The following SRPK1 variants were observed in gnomAD, a reference collection of about 807,000 sequenced individuals.
SRPK1 encodes SRSF protein kinase 1, also known as SFRS protein kinase 1.
A neutral mutation model predicts 89.5 loss-of-function variants in SRPK1; 52 were observed. The observed-to-expected ratio is 0.58, with a 90% CI of 0.46 to 0.73. SRPK1 has a LOEUF of 0.73. Ranked by LOEUF, SRPK1 falls within the 30% of genes least tolerant of loss-of-function variation. SRPK1 has a pLI of 0.00. For synonymous variants in SRPK1, 255 were observed against 270.2 expected (o/e 0.94, Z 0.55); for missense variants, 603 against 780.6 (o/e 0.77, Z 2.71).
chr6:35,841,072 C>T (rs370425344), intron 14 of SRPK1, among the ~76,000 whole-genome samples: 3 of 152,044 alleles, frequency 2.0e-5, no homozygotes, highest in Admixed American at 6.6e-5. Flanking sequence ...ATTAATTACC[C>T]TCCCAAACAA....
intron 2 of SRPK1, among the ~76,000 whole-genome samples, chr6:35,902,349 G>A (rs1048589895): frequency 3.3e-5 from 5 of 151,958 alleles, no homozygotes; most frequent in African/African-American, 1.2e-4. Context: ...GCAGTGTGAT[G>A]CAGCTGTAAG....
chr6:35,920,894 G>A (rs1771222930), intron 1 of SRPK1, 150 bp downstream of exon 1: 1 of 803,224 alleles, frequency 1.2e-6, no homozygotes, highest in Non-Finnish European at 1.8e-6. Context: ...GCAGCCCAGA[G>A]GCAGGGGGTG....
chr6:35,869,904 A>G lies in SRPK1; in HGVS notation c.992-3T>C. 6.5e-7 allele frequency: 1 copy of G among 1,544,142 alleles called. No individual in the cohort carries two copies. The highest frequency in any genetic ancestry group is 8.7e-7 in the Non-Finnish European group (1 of 1,149,486). ...CTGGCCAATGGTACTTGACTCTTCTAAGGAACAAACGAACAAAAAAAGATA... is the reference window on the plus strand; with the variant it reads ...CTGGCCAATGGTACTTGACTCTTCTGAGGAACAAACGAACAAAAAAAGATA... On this transcript the variant is annotated splice_region_variant and splice_polypyrimidine_tract_variant and intron_variant, in intron 10 of 15. Coordinates refer to ENST00000373825, the MANE Select transcript of SRPK1 (RefSeq NM_003137.5).
At chr6:35,881,923 A>G (rs1414397854) in intron 6 of SRPK1, among the ~76,000 whole-genome samples, 1 of 152,124 alleles carries the variant, frequency 6.6e-6, no homozygotes, top group Non-Finnish European at 1.5e-5. Context: ...TAACAGGTAT[A>G]GAGCTTCAGT....
At position 35,874,176 on chromosome 6, in the gene SRPK1, T is replaced by C. The variant is rs1334758712; in HGVS notation, c.585+57A>G. On this transcript the variant is annotated intron_variant, in intron 7 of 15. Transcript: ENST00000373825. ...AAATAAAGTCCTGACACTTCAAGAA[T>C]ATTAAAAAATCACTACATAGTCAAG... 8.0e-6 allele frequency: 11 copies of C among 1,379,798 alleles called. No individual in the cohort carries two copies. The East Asian group carries it at 2.4e-4, about 30-fold the overall frequency. The allele number at this position is 1,379,798 out of a possible 1,614,324, so 85.5% of individuals were successfully genotyped here. A position where few individuals can be genotyped will look rare whatever the true frequency, so the allele number is the denominator to read the frequency against.
intron 2 of SRPK1, among the ~76,000 whole-genome samples, chr6:35,893,545 C>T (rs1770565433): frequency 6.6e-6 from 1 of 151,916 alleles, no homozygotes; most frequent in Non-Finnish European, 1.5e-5. Flanking sequence ...TGACACCATA[C>T]ACTGCACAGC....
At chr6:35,877,867 T>C (rs1027779940) in intron 6 of SRPK1, among the ~76,000 whole-genome samples, 1 of 147,960 alleles carries the variant, frequency 6.8e-6, no homozygotes, top group African/African-American at 2.5e-5. Context: ...GACTTGAAAA[T>C]GAACTTCCAG....
intron 2 of SRPK1, 72 bp from the exon 3 acceptor site, chr6:35,891,085 C>T: frequency 6.8e-7 from 1 of 1,471,780 alleles, no homozygotes. Context: ...TGCTGCCCTC[C>T]CCACAAAAAA....
intron 2 of SRPK1, among the ~76,000 whole-genome samples, chr6:35,911,583 A>T (rs979881753): frequency 9.2e-5 from 14 of 151,876 alleles, no homozygotes; most frequent in East Asian, 2.0e-4. Flanking sequence ...TAATTTTTTT[A>T]AAAAATAAGT....
At chr6:35,881,568 G>A (rs1770292263) in intron 6 of SRPK1, among the ~76,000 whole-genome samples, 2 of 151,934 alleles carry the variant, frequency 1.3e-5, no homozygotes, top group Admixed American at 1.3e-4. Context: ...AAGATTCCAT[G>A]CAAATAGTAA....
At chr6:35,891,658 T>C (rs145887122) in intron 2 of SRPK1, among the ~76,000 whole-genome samples, 1,815 of 143,812 alleles carry the variant, frequency 0.013, 34 homozygotes, top group African/African-American at 0.045. Context: ...ACCCGGGAAG[T>C]GGAGGCTACG....
intron 2 of SRPK1, among the ~76,000 whole-genome samples, chr6:35,913,605 C>T (rs937775340): frequency 7.9e-5 from 12 of 152,036 alleles, no homozygotes; most frequent in African/African-American, 2.9e-4. Flanking sequence ...TGAGATCAGC[C>T]TGGACAACAT....
chr6:35,836,562 G>A (rs1176008742), intron 15 of SRPK1, among the ~76,000 whole-genome samples: 1 of 151,898 alleles, frequency 6.6e-6, no homozygotes, highest in African/African-American at 2.4e-5. Context: ...AGACCAGCCT[G>A]GGCAACATAG....
At chr6:35,899,116 G>A (rs911931212) in intron 2 of SRPK1, among the ~76,000 whole-genome samples, 11 of 151,700 alleles carry the variant, frequency 7.3e-5, no homozygotes, top group African/African-American at 1.7e-4. Flanking sequence ...AGCTGGGATC[G>A]CACCACTGCA....
chr6:35,890,898 T>C lies in SRPK1; in HGVS notation c.190A>G (p.Lys64Glu). 1 of 1,548,904 alleles carries C rather than the reference T, an allele frequency of 6.5e-7. No homozygotes were observed. The highest frequency in any genetic ancestry group is 8.7e-7 in the Non-Finnish European group (1 of 1,146,286). The change falls in exon 3 of 16, where the codon AAA becomes GAA. Residue 64 changes from lysine to glutamate, a missense_variant. Transcript: ENST00000373825. The part of the protein sequence containing the change: ...DEQEDPNDYC[K>E]GGYHLVKIGD... ...TCATACCTCTTTATGAACTTACCTT[T>C]ACAATAATCATTAGGATCTTCTTGC...
chr6:35,864,660 A>G (rs999759194), intron 12 of SRPK1, among the ~76,000 whole-genome samples: 1 of 152,226 alleles, frequency 6.6e-6, no homozygotes, highest in African/African-American at 2.4e-5. Flanking sequence ...AACTAGAGCT[A>G]CCATATTATC....
chr6:35,838,464 A>G, intron 14 of SRPK1, 35 bp from the exon 15 acceptor site: 1 of 1,525,552 alleles, frequency 6.6e-7, no homozygotes, highest in Non-Finnish European at 8.8e-7. Context: ...GGGGGGAAAA[A>G]AAAGATCCGT....
In SRPK1 at chr6:35,835,416, G is replaced by A. The variant is rs765007098; in HGVS notation, c.1856C>T (p.Ser619Leu). ...FEVLVEKYEWSQEEAAGFTDF... is the reference protein window; with the variant it reads ...FEVLVEKYEWLQEEAAGFTDF... ...TGTGAAGCCAGCTGCCTCTTCCTGC[G>A]ACCACTCATACTTCTCCACTAGAAC... Residue 619 changes from serine to leucine, a missense_variant, in exon 16 of 16, where the codon TCG becomes TTG. Ser to Leu is a moderately radical substitution (Grantham distance 145). Coordinates refer to ENST00000373825, the MANE Select transcript of SRPK1 (RefSeq NM_003137.5). The A allele has an allele frequency of 1.1e-5, 17 of 1,613,582 alleles. No individual in the cohort carries two copies. The East Asian group carries it at 2.9e-4, about 28-fold the overall frequency.
At chr6:35,884,829 C>A (rs1770368482) in intron 6 of SRPK1, among the ~76,000 whole-genome samples, 1 of 151,978 alleles carries the variant, frequency 6.6e-6, no homozygotes, top group Admixed American at 6.6e-5. Flanking sequence ...GGTGAAACCC[C>A]ATCTCTACTA....
Sources: allele counts gnomAD v4.1 joint callset (sites outside exome capture counted in the v4.1 genomes callset), GRCh38; gene constraint gnomAD v4.1.1; transcripts MANE v1.5; gene names NCBI Gene and HGNC (gene_info 2026-07-23, HGNC 2026-07-21).